Variants in DTD1 observed in about 807,000 individuals in gnomAD.
DTD1 encodes the protein D-aminoacyl-tRNA deacylase 1, also known as D-tyrosyl-tRNA deacylase 1 homolog.
Under a neutral mutation model 25.6 loss-of-function variants are expected in DTD1, and 13 were observed. That is an observed-to-expected ratio of 0.51 (90% CI 0.33 to 0.81). The LOEUF is 0.81. Ranked by LOEUF, DTD1 falls within the 30% of genes least tolerant of loss-of-function variation. DTD1 has a pLI of 0.02. For missense variants in DTD1, 193 were observed against 266.4 expected (o/e 0.72, Z 1.92); for synonymous variants, 110 against 103.6 (o/e 1.06, Z -0.37).
intron 4 of DTD1, among the ~76,000 whole-genome samples, chr20:18,668,025 G>A (rs62216977): frequency 0.14 from 21,948 of 152,158 alleles, 1,701 homozygotes; most frequent in Admixed American, 0.2. Context: ...TTTAGACAGA[G>A]GCTGCCAGTT....
chr20:18,662,219 C>T (rs1248011940), intron 4 of DTD1, among the ~76,000 whole-genome samples: 1 of 152,148 alleles, frequency 6.6e-6, no homozygotes, highest in African/African-American at 2.4e-5. Flanking sequence ...TACAAGCTCC[C>T]ATGTTTTGCC....
chr20:18,760,939 C>T (rs932874268), intron 5 of DTD1, among the ~76,000 whole-genome samples: 3 of 152,152 alleles, frequency 2.0e-5, no homozygotes, highest in Non-Finnish European at 4.4e-5. Flanking sequence ...CAATGGTGGG[C>T]GCCCCTCCCC....
intron 4 of DTD1, among the ~76,000 whole-genome samples, chr20:18,687,113 A>C (rs751926561): frequency 1.3e-5 from 2 of 152,228 alleles, no homozygotes; most frequent in Non-Finnish European, 2.9e-5. Flanking sequence ...GCAGAGGAGA[A>C]GGATGGGGCT....
chr20:18,760,761 C>T (rs1776810063), intron 5 of DTD1, among the ~76,000 whole-genome samples: 1 of 152,226 alleles, frequency 6.6e-6, no homozygotes, highest in Non-Finnish European at 1.5e-5. Flanking sequence ...CTCTTCAAAG[C>T]TGTCAGACAG....
intron 1 of DTD1, among the ~76,000 whole-genome samples, chr20:18,590,516 G>C (rs1398399995): frequency 6.6e-6 from 1 of 152,194 alleles, no homozygotes; most frequent in Non-Finnish European, 1.5e-5. Flanking sequence ...TGTTGCCGAG[G>C]CTGGAGTACA....
intron 4 of DTD1, among the ~76,000 whole-genome samples, chr20:18,722,939 AG>A (rs964462305): frequency 1.1e-4 from 17 of 152,210 alleles, no homozygotes; most frequent in African/African-American, 4.1e-4. Context: ...ACCATAAGAG[AG>A]GGAAAAAAGA....
intron 4 of DTD1, among the ~76,000 whole-genome samples, chr20:18,653,582 T>C (rs1426132381): frequency 6.6e-6 from 1 of 152,240 alleles, no homozygotes; most frequent in African/African-American, 2.4e-5. Flanking sequence ...GAAAGGTGTA[T>C]GATCTAAACA....
intron 3 of DTD1, among the ~76,000 whole-genome samples, chr20:18,622,858 C>T (rs911162154): frequency 3.3e-5 from 5 of 152,094 alleles, no homozygotes; most frequent in Admixed American, 1.3e-4. Flanking sequence ...CCCAATATCC[C>T]GCAAGTTCCT....
At chr20:18,759,525 T>C (rs2122541655) in intron 5 of DTD1, among the ~76,000 whole-genome samples, 1 of 152,352 alleles carries the variant, frequency 6.6e-6, no homozygotes, top group Admixed American at 6.5e-5. Context: ...AAATTCTGAG[T>C]TGAAAATTCT....
chr20:18,722,428 T>G (rs1016087068), intron 4 of DTD1, among the ~76,000 whole-genome samples: 9 of 65,438 alleles, frequency 1.4e-4, no homozygotes, highest in African/African-American at 4.4e-4. Flanking sequence ...AAAGGAGACT[T>G]AAGATGGTTG....
At chr20:18,673,462 T>C (rs954937181) in intron 4 of DTD1, among the ~76,000 whole-genome samples, 1 of 152,202 alleles carries the variant, frequency 6.6e-6, no homozygotes, top group Non-Finnish European at 1.5e-5. Flanking sequence ...GGGAAAGGCC[T>C]AGAGTGATGA....
At chr20:18,731,580 A>G (rs1220255337) in intron 4 of DTD1, among the ~76,000 whole-genome samples, 3 of 152,062 alleles carry the variant, frequency 2.0e-5, no homozygotes, top group Non-Finnish European at 2.9e-5. Context: ...TTCTTTATGT[A>G]TTTTTTCTCT....
intron 1 of DTD1, among the ~76,000 whole-genome samples, chr20:18,589,536 A>G (rs1003698293): frequency 6.6e-6 from 1 of 152,186 alleles, no homozygotes; most frequent in African/African-American, 2.4e-5. Context: ...GTCCTGGAAT[A>G]ATAGGGAATA....
chr20:18,674,570 G>A (rs1366123148), intron 4 of DTD1: 1 of 152,244 alleles, frequency 6.6e-6, no homozygotes, highest in African/African-American at 2.4e-5. Flanking sequence ...ATGTGACCTC[G>A]TGACTCCAGA....
At chr20:18,691,411 A>G (rs1355060864) in intron 4 of DTD1, among the ~76,000 whole-genome samples, 2 of 152,224 alleles carry the variant, frequency 1.3e-5, no homozygotes, top group East Asian at 3.8e-4. Context: ...TGGTACATAT[A>G]CCCCATGGAA....
chr20:18,601,196 T>A (rs1257971400), intron 3 of DTD1, among the ~76,000 whole-genome samples: 1 of 152,056 alleles, frequency 6.6e-6, no homozygotes, highest in African/African-American at 2.4e-5. Flanking sequence ...ATACTGTTTA[T>A]CAAGTTGAAG....
intron 4 of DTD1, among the ~76,000 whole-genome samples, chr20:18,695,817 C>T (rs1029061282): frequency 6.0e-5 from 9 of 151,206 alleles, no homozygotes; most frequent in Non-Finnish European, 1.0e-4. Context: ...ACTACAGGCG[C>T]GTGCCACTAC....
chr20:18,625,707 G>T (rs1328330703), intron 3 of DTD1, among the ~76,000 whole-genome samples: 2 of 152,250 alleles, frequency 1.3e-5, no homozygotes, highest in African/African-American at 2.4e-5. Flanking sequence ...TGAGGTCCCA[G>T]CCTGTAACCC....
At chr20:18,632,769 ATG>A (rs199583858) in intron 4 of DTD1, 73 of 658,468 alleles carry the variant, frequency 1.1e-4, no homozygotes, top group Admixed American at 4.4e-4. Context: ...CAAATGGATG[ATG>A]TGTGTGTGTA....
Sources: gnomAD v4.1 joint callset for allele counts (sites outside exome capture counted in the v4.1 genomes callset) on GRCh38, gnomAD v4.1.1 for gene constraint, MANE v1.5 for transcripts, NCBI Gene and HGNC (gene_info 2026-07-23, HGNC 2026-07-21) for gene names.